Variants in FILIP1L observed in about 807,000 individuals in gnomAD.
FILIP1L encodes the protein filamin A-interacting protein 1-like.
In FILIP1L, 55 loss-of-function variants were observed where a neutral mutation model predicts 96.6. The ratio of observed to expected loss-of-function variants is 0.57; its 90% CI spans 0.46 to 0.71. The LOEUF is 0.71. Ranked by LOEUF, FILIP1L falls within the 30% of genes least tolerant of loss-of-function variation. FILIP1L has a pLI of 0.00. For missense variants in FILIP1L, 1,304 were observed against 1,321.2 expected, an observed-to-expected ratio of 0.99 and a Z score of 0.20; for synonymous variants, 467 against 473.9, an observed-to-expected ratio of 0.99 and a Z score of 0.19.
chr3:99,905,786 GA>G (rs1254265010), intron 4 of FILIP1L, among the ~76,000 whole-genome samples: 1 of 152,182 alleles, frequency 6.6e-6, no homozygotes, highest in African/African-American at 2.4e-5. Flanking sequence ...CATGCATGTG[GA>G]CTCTCATATT....
chr3:100,037,268 TACTC>T (rs138832122), intron 1 of FILIP1L, among the ~76,000 whole-genome samples: 1,646 of 152,302 alleles, frequency 0.011, 12 homozygotes, highest in Middle Eastern at 0.02. Flanking sequence ...GTCTGCAACT[TACTC>T]AGATGGTTTA....
At chr3:100,046,756 T>C (rs2107306213) in intron 1 of FILIP1L, among the ~76,000 whole-genome samples, 1 of 152,290 alleles carries the variant, frequency 6.6e-6, no homozygotes, top group Non-Finnish European at 1.5e-5. Context: ...TTTTGAACCC[T>C]TCAAACCTGA....
intron 1 of FILIP1L, among the ~76,000 whole-genome samples, chr3:100,105,500 C>T (rs1166795050): frequency 2.0e-5 from 3 of 152,086 alleles, no homozygotes; most frequent in African/African-American, 7.2e-5. Flanking sequence ...AAAGGGACTT[C>T]CAGGAAGGTT....
chr3:99,948,718 A>T (rs1009277003), intron 1 of FILIP1L, among the ~76,000 whole-genome samples: 1 of 151,032 alleles, frequency 6.6e-6, no homozygotes, highest in African/African-American at 2.4e-5. Flanking sequence ...GAGGAAGGGA[A>T]AGGGAAGTGG....
chr3:99,954,058 G>A (rs780714731), intron 1 of FILIP1L, among the ~76,000 whole-genome samples: 1 of 152,270 alleles, frequency 6.6e-6, no homozygotes, highest in Non-Finnish European at 1.5e-5. Context: ...AGGAGGAGAA[G>A]GTGGTGGCAT....
chr3:99,848,111 G>T, intron 5 of FILIP1L, 184 bp downstream of exon 5: 1 of 1,453,042 alleles, frequency 6.9e-7, no homozygotes, highest in Non-Finnish European at 9.1e-7. Flanking sequence ...CACTCGATAT[G>T]ACTATGCAGG....
intron 5 of FILIP1L, among the ~76,000 whole-genome samples, chr3:99,835,568 G>T (rs1168240380): frequency 6.6e-6 from 1 of 152,198 alleles, no homozygotes; most frequent in African/African-American, 2.4e-5. Flanking sequence ...CAGAGAGCCT[G>T]TTAGGATGCA....
In FILIP1L at chr3:99,848,575, ACT is replaced by A. The variant is rs1216300756; in HGVS notation, c.3099_3100del (p.Arg1033SerfsTer18). 1.9e-6 allele frequency: 3 copies of A among 1,613,690 alleles called. No individual in the cohort carries two copies. Among genetic ancestry groups the A allele is most frequent in the Admixed American group, 1.7e-5 (1 of 59,966 alleles). The stretch of plus-strand genomic sequence containing the variant: ...CCATGATGACTGCCGGTCTGGGGAG[ACT>A]CTGAATATCGCATGCTTGGCACTGA... On this transcript the variant is annotated frameshift_variant, in exon 5 of 6. Transcript: ENST00000477258. LOFTEE classifies it high-confidence loss of function.
chr3:99,849,584 C>T lies in FILIP1L; in HGVS notation c.2092G>A (p.Glu698Lys), dbSNP rs1340147562. ...TGAAGCCTTTTGAAAAGCCATTGTTCATGGCTGGTCTCTGTCTTTTCTGCT... is the reference window on the plus strand; with the variant it reads ...TGAAGCCTTTTGAAAAGCCATTGTTTATGGCTGGTCTCTGTCTTTTCTGCT... ...KLAEKTETSH[E>K]QWLFKRLQEE... Residue 698 changes from glutamate (E) to lysine (K), a missense_variant, in exon 5 of 6, where the codon GAA becomes AAA. Glu to Lys is a moderately conservative substitution (Grantham distance 56). Transcript: ENST00000477258. The T allele has an allele frequency of 1.2e-6, 2 of 1,613,446 alleles. No individual in the cohort carries two copies. Among genetic ancestry groups the T allele is most frequent in the Non-Finnish European group, 1.7e-6 (2 of 1,179,944 alleles).
chr3:100,005,191 G>A (rs1709954177), intron 1 of FILIP1L, among the ~76,000 whole-genome samples: 1 of 152,166 alleles, frequency 6.6e-6, no homozygotes, highest in South Asian at 2.1e-4. Flanking sequence ...TCCTGTATTT[G>A]TATAGCACCT....
intron 1 of FILIP1L, among the ~76,000 whole-genome samples, chr3:100,069,288 C>A (rs1270889791): frequency 6.6e-6 from 1 of 151,344 alleles, no homozygotes; most frequent in Non-Finnish European, 1.5e-5. Flanking sequence ...TCTCTTCATC[C>A]TGTTGTAGGC....
At position 99,924,290 on chromosome 3, in the gene FILIP1L, TGTTTTCTCTTTTCTTCCTCC is replaced by T. The variant is rs1707218179; in HGVS notation, c.525_544del (p.Glu176Ter). On this transcript the variant is annotated frameshift_variant, in exon 4 of 6. Transcript: ENST00000477258. LOFTEE classifies it high-confidence loss of function. ...ATCACTCTTCTCCATGTATTCTTTATGTTTTCTCTTTTCTTCCTCCAACTCCAATATGGTTTGCCTACGGG... is the reference window on the plus strand; with the variant it reads ...ATCACTCTTCTCCATGTATTCTTTATAACTCCAATATGGTTTGCCTACGGG... The T allele has an allele frequency of 1.9e-6, 3 of 1,614,164 alleles. No individual in the cohort carries two copies. The highest frequency in any genetic ancestry group is 2.5e-6 in the Non-Finnish European group (3 of 1,179,994).
chr3:99,873,093 A>G (rs548902166), intron 4 of FILIP1L, among the ~76,000 whole-genome samples: 2 of 152,346 alleles, frequency 1.3e-5, no homozygotes, highest in South Asian at 4.1e-4. Flanking sequence ...CACTTTAAGC[A>G]TAAGTGACTG....
chr3:100,036,267 A>G (rs1559734444), intron 1 of FILIP1L, among the ~76,000 whole-genome samples: 1 of 152,200 alleles, frequency 6.6e-6, no homozygotes, highest in Non-Finnish European at 1.5e-5. Context: ...CACTAAGAGG[A>G]ACAAAGCCTT....
rs940247103 is a variant in FILIP1L, at chr3:100,114,394, G to T, written c.-352C>A. The T allele has an allele frequency of 2.6e-5, 4 of 152,366 alleles. No homozygotes were observed. The highest frequency in any genetic ancestry group is 9.7e-5 in the African/African-American group (4 of 41,412). The allele number at this position is 152,366 out of a possible 1,614,324, so 9.4% of individuals were successfully genotyped here. On this transcript the variant is annotated 5_prime_UTR_variant, in exon 1 of 6. Transcript: ENST00000477258. The stretch of plus-strand genomic sequence containing the variant: ...GCTTGCCAGTCTCTGTGGAAGAAAG[G>T]TTCTAACTGGACTGGGCTGCAGGAT...
chr3:100,062,893 G>T (rs1359473472), intron 1 of FILIP1L, among the ~76,000 whole-genome samples: 2 of 152,144 alleles, frequency 1.3e-5, no homozygotes, highest in Admixed American at 6.5e-5. Flanking sequence ...CATGAGACCT[G>T]GTTCTAGTCT....
intron 5 of FILIP1L, among the ~76,000 whole-genome samples, chr3:99,841,330 C>T (rs1943121057): frequency 6.6e-6 from 1 of 152,202 alleles, no homozygotes; most frequent in South Asian, 2.1e-4. Context: ...TAAACTGGAG[C>T]TTTCCATTTC....
chr3:99,896,346 G>T (rs904142648), intron 4 of FILIP1L, among the ~76,000 whole-genome samples: 2 of 152,164 alleles, frequency 1.3e-5, no homozygotes, highest in Non-Finnish European at 2.9e-5. Flanking sequence ...CACATAATTG[G>T]TATGCTTTTC....
In FILIP1L at chr3:99,828,916, T is replaced by TCATCCCTCTCAATGCTGCCC. The variant is rs1942590357; in HGVS notation, c.*1497_*1498insGGGCAGCATTGAGAGGGATG. 6.6e-6 allele frequency among the ~76,000 whole-genome samples: 1 copy of TCATCCCTCTCAATGCTGCCC among 151,180 alleles called. No individual in the cohort carries two copies. The highest frequency in any genetic ancestry group is 2.4e-5 in the African/African-American group (1 of 40,904). ...GCCCATCATCCCTCTCAATGCTGCC[T>TCATCCCTCTCAATGCTGCCC]ATCATCCCTCTCAATGCTGCCCATC... On this transcript the variant is annotated 3_prime_UTR_variant, in exon 6 of 6. Coordinates refer to ENST00000477258, the MANE Select transcript of FILIP1L (RefSeq NM_001387850.1).
Sources: allele counts gnomAD v4.1 joint callset (sites outside exome capture counted in the v4.1 genomes callset), GRCh38; gene constraint gnomAD v4.1.1; transcripts MANE v1.5; gene names NCBI Gene and HGNC (gene_info 2026-07-23, HGNC 2026-07-21).